ALLC: variants seen among roughly 807,000 people sequenced by gnomAD.
The protein encoded by ALLC is probable inactive allantoicase.
A neutral mutation model predicts 45.0 loss-of-function variants in ALLC; 40 were observed. The ratio of observed to expected loss-of-function variants is 0.89; its 90% CI spans 0.69 to 1.16. The LOEUF is 1.16. Among genes scored for constraint, ALLC ranks in the 50% most tolerant of loss-of-function variants. ALLC has a pLI of 0.00. For synonymous variants in ALLC, 176 were observed against 178.1 expected (o/e 0.99, Z 0.09); for missense variants, 488 against 493.1 (o/e 0.99, Z 0.10).
chr2:3,686,675 C>G (rs1320752789), intron 7 of ALLC, among the ~76,000 whole-genome samples: 1 of 150,666 alleles, frequency 6.6e-6, no homozygotes, highest in African/African-American at 2.4e-5. Context: ...TAAATGGATT[C>G]CTCAGTATTT....
In ALLC at chr2:3,698,207, C is replaced by T. The variant is rs190074071; in HGVS notation, c.850+751C>T. Among the ~76,000 whole-genome samples the T allele has an allele frequency of 3.2e-3, 481 of 152,276 alleles. 2 individuals are homozygous for T. Among genetic ancestry groups the T allele is most frequent in the South Asian group, 0.017 (84 of 4,818 alleles). On this transcript the variant is annotated intron_variant, in intron 10 of 11. Coordinates refer to ENST00000252505, the MANE Select transcript of ALLC (RefSeq NM_018436.4). ...CTTGAACTCCTGACCTCAGGTGATA[C>T]GCCCGTCTCGGCCTCCCAAAGTGGT...
At position 3,679,865 on chromosome 2, in the gene ALLC, G is replaced by T; in HGVS notation, c.173-4G>T. 1 of 1,613,770 alleles carries T rather than the reference G, an allele frequency of 6.2e-7. No homozygotes were observed. On this transcript the variant is annotated splice_region_variant and splice_polypyrimidine_tract_variant and intron_variant, in intron 4 of 11. Transcript: ENST00000252505. ...AGACTGCTCTTGTCCTCTGTGTTGC[G>T]CAGGTCACGACTGGTGTGTCCTCAG...
At chr2:3,681,956 C>T (rs1667191172) in intron 6 of ALLC, among the ~76,000 whole-genome samples, 1 of 152,194 alleles carries the variant, frequency 6.6e-6, no homozygotes, top group Admixed American at 6.5e-5. Context: ...CAAATGGCTG[C>T]TGGCCCCGAT....
Position 3,671,193 on chromosome 2 carries a change from A to G in ALLC, c.33+3A>G, listed in dbSNP as rs746720707. 8.1e-6 allele frequency: 13 copies of G among 1,610,288 alleles called. No homozygotes were observed. The highest frequency in any genetic ancestry group is 8.5e-7 in the Non-Finnish European group (1 of 1,178,462). Reference sequence around the variant, plus strand: ...CATCTGAATCCGTAGGAGGAAAAGTAAGTGGGTCTCTCATGGCCAAACAAG... The same window carrying G: ...CATCTGAATCCGTAGGAGGAAAAGTGAGTGGGTCTCTCATGGCCAAACAAG... On this transcript the variant is annotated splice_donor_region_variant and intron_variant, in intron 2 of 11. Coordinates refer to ENST00000252505, the MANE Select transcript of ALLC (RefSeq NM_018436.4).
chr2:3,681,665 C>A lies in ALLC; in HGVS notation c.330C>A (p.Thr110=), dbSNP rs201013674. The change falls in exon 6 of 12, where the codon ACC becomes ACA. Residue 110 remains threonine (T), a synonymous_variant. Transcript: ENST00000252505. The stretch of plus-strand genomic sequence containing the variant: ...TACCAGAAATCCCAGAAAGAGGAAC[C>A]AGGACAGGAGCTGCAGCCACTCCTG... ...DKLPEIPERG[T]RTGAAATPEE... 10 of 1,610,790 alleles carry A rather than the reference C, an allele frequency of 6.2e-6. No homozygotes were observed. The highest frequency in any genetic ancestry group is 8.5e-6 in the Non-Finnish European group (10 of 1,178,474).
the ALLC span, among the ~76,000 whole-genome samples, chr2:3,648,550 G>A: frequency 0.075 from 11,477 of 152,262 alleles, 523 homozygotes; most frequent in East Asian, 0.17. Context: ...CAGGGTCTGG[G>A]GTGCTGCCCA....
At chr2:3,671,622 G>C (rs1468470901) in intron 2 of ALLC, among the ~76,000 whole-genome samples, 1 of 148,032 alleles carries the variant, frequency 6.8e-6, no homozygotes, top group Non-Finnish European at 1.5e-5. Flanking sequence ...TCTGGCTCTG[G>C]TTAGATGGGA....
chr2:3,654,365 C>T (rs926349142), upstream of ALLC, among the ~76,000 whole-genome samples: 2 of 152,230 alleles, frequency 1.3e-5, no homozygotes, highest in African/African-American at 4.8e-5. Flanking sequence ...GCTTTGATGG[C>T]GCAGCCTCGG....
intron 7 of ALLC, chr2:3,694,627 T>G (rs1480574981): frequency 6.6e-6 from 1 of 152,236 alleles, no homozygotes; most frequent in Non-Finnish European, 1.5e-5. Flanking sequence ...GGCAGTGATA[T>G]TACTCTCATA....
chr2:3,650,544 C>G, the ALLC span, among the ~76,000 whole-genome samples: 2 of 80,968 alleles, frequency 2.5e-5, no homozygotes, highest in Non-Finnish European at 4.8e-5. Flanking sequence ...CCTTGAAGCC[C>G]CTCGGCCCGG....
At position 3,697,439 on chromosome 2, in the gene ALLC, A is replaced by T; in HGVS notation, c.833A>T (p.Asp278Val). ...GGAGTAATAACTCGAATTGAAATTG[A>T]CACAAAATATTTTGAAGGTAAATGC... ...HPGVITRIEIDTKYFEGNAPD... is the reference protein window; with the variant it reads ...HPGVITRIEIVTKYFEGNAPD... Residue 278 changes from aspartate (D) to valine (V), a missense_variant, in exon 10 of 12, where the codon GAC becomes GTC. By Grantham distance (152) the Asp-to-Val change is radical. Coordinates refer to ENST00000252505, the MANE Select transcript of ALLC (RefSeq NM_018436.4). 6.2e-7 allele frequency: 1 copy of T among 1,613,814 alleles called. No individual in the cohort carries two copies. The highest frequency in any genetic ancestry group is 8.5e-7 in the Non-Finnish European group (1 of 1,179,746).
chr2:3,681,503 G>T (rs1211078205), intron 5 of ALLC, 131 bp from the exon 6 acceptor site: 3 of 583,346 alleles, frequency 5.1e-6, no homozygotes, highest in Admixed American at 3.4e-5. Context: ...CTATTACTTT[G>T]ATCATTTGAT....
At chr2:3,674,044 T>G in intron 2 of ALLC, 31 bp from the exon 3 acceptor site, 1 of 1,478,342 alleles carries the variant, frequency 6.8e-7, no homozygotes, top group Non-Finnish European at 9.2e-7. Context: ...TTATGGTTGC[T>G]TTATCTTTCT....
chr2:3,683,348 A>G (rs527340401), intron 7 of ALLC, among the ~76,000 whole-genome samples: 5 of 152,356 alleles, frequency 3.3e-5, no homozygotes, highest in African/African-American at 1.2e-4. Context: ...CAAGTATGTT[A>G]TATTAGCAGC....
intron 3 of ALLC, among the ~76,000 whole-genome samples, chr2:3,675,016 G>A (rs983220333): frequency 1.3e-5 from 2 of 152,180 alleles, no homozygotes; most frequent in Admixed American, 6.5e-5. Context: ...TTGGAGAGGA[G>A]ATAACCAACC....
intron 9 of ALLC, 97 bp from the exon 10 acceptor site, chr2:3,697,251 A>C: frequency 1.1e-6 from 1 of 873,394 alleles, no homozygotes; most frequent in Non-Finnish European, 1.9e-6. Flanking sequence ...TAAGAAATAA[A>C]AGAAACACGT....
intron 1 of ALLC, among the ~76,000 whole-genome samples, chr2:3,670,600 G>A (rs781011352): frequency 4.9e-4 from 75 of 152,194 alleles, no homozygotes; most frequent in Non-Finnish European, 7.6e-4. Flanking sequence ...GCTCCAGAGC[G>A]TGGCCTGGCC....
Position 3,682,932 on chromosome 2 carries a change from T to G in ALLC, c.379-10T>G. 6.2e-7 allele frequency: 1 copy of G among 1,612,684 alleles called. No individual in the cohort carries two copies. The highest frequency in any genetic ancestry group is 8.5e-7 in the Non-Finnish European group (1 of 1,179,530). ...AGAGCAATTGCTGACATTTCTATAT[T>G]TATTGCTAGCTAAAATCCGACGACT... On this transcript the variant is annotated splice_polypyrimidine_tract_variant and intron_variant, in intron 6 of 11. Coordinates refer to ENST00000252505, the MANE Select transcript of ALLC (RefSeq NM_018436.4).
upstream of ALLC, among the ~76,000 whole-genome samples, chr2:3,655,809 G>A (rs1163724441): frequency 6.6e-6 from 1 of 152,214 alleles, no homozygotes; most frequent in African/African-American, 2.4e-5. Context: ...ACAGCATTAA[G>A]GAAACCACTG....
Sources: gnomAD v4.1 joint callset for allele counts (sites outside exome capture counted in the v4.1 genomes callset) on GRCh38, gnomAD v4.1.1 for gene constraint, MANE v1.5 for transcripts, NCBI Gene and HGNC (gene_info 2026-07-23, HGNC 2026-07-21) for gene names.